The following PTPRK variants were observed in gnomAD, a reference collection of about 807,000 sequenced individuals.
The protein encoded by PTPRK is receptor-type tyrosine-protein phosphatase kappa.
PTPRK carries 75 observed loss-of-function variants against 178.0 expected under a neutral mutation model. The ratio of observed to expected loss-of-function variants is 0.42; its 90% CI spans 0.35 to 0.51. The LOEUF (loss-of-function observed/expected upper bound fraction) is 0.51. Among genes scored for constraint, PTPRK ranks in the 20% least tolerant of loss-of-function variants. The pLI is 0.02. For missense variants in PTPRK, 1,441 were observed against 1,797.8 expected (o/e 0.80, Z 3.59); for synonymous variants, 637 against 620.6 (o/e 1.03, Z -0.39).
At position 128,214,513 on chromosome 6, in the gene PTPRK, A is replaced by G. The variant is rs1024306784; in HGVS notation, c.868+4409T>C. Among the ~76,000 whole-genome samples the G allele has an allele frequency of 8.5e-5, 13 of 152,184 alleles. No homozygotes were observed. The South Asian group carries it at 2.7e-3, about 32-fold the overall frequency. ...TGTGTACAAAAGCTCTCTACTGGAC[A>G]TACTAGCTGTTTATCCAATAACCAG... On this transcript the variant is annotated intron_variant, in intron 6 of 29. Coordinates refer to ENST00000368226, the MANE Select transcript of PTPRK (RefSeq NM_002844.4).
chr6:128,021,239 AC>A (rs1773453094), intron 13 of PTPRK, among the ~76,000 whole-genome samples: 1 of 152,178 alleles, frequency 6.6e-6, no homozygotes, highest in Non-Finnish European at 1.5e-5. Flanking sequence ...TAACAAACAC[AC>A]CCAAAATACT....
chr6:128,179,076 CCCA>C (rs1485585724), intron 7 of PTPRK, among the ~76,000 whole-genome samples: 1 of 151,906 alleles, frequency 6.6e-6, no homozygotes, highest in Non-Finnish European at 1.5e-5. Context: ...TCCACCTGAA[CCCA>C]TCTATTTTCA....
At chr6:128,036,283 G>A (rs1776195490) in intron 13 of PTPRK, among the ~76,000 whole-genome samples, 1 of 152,192 alleles carries the variant, frequency 6.6e-6, no homozygotes, top group Non-Finnish European at 1.5e-5. Flanking sequence ...CATGGGAGCA[G>A]CTACACCCAG....
At chr6:128,186,427 G>A (rs1478829771) in intron 6 of PTPRK, among the ~76,000 whole-genome samples, 1 of 151,986 alleles carries the variant, frequency 6.6e-6, no homozygotes, top group East Asian at 1.9e-4. Flanking sequence ...TAAGATCAAA[G>A]ATGATAACAT....
chr6:128,084,489 G>T (rs1003542722), intron 8 of PTPRK, among the ~76,000 whole-genome samples: 11 of 152,162 alleles, frequency 7.2e-5, no homozygotes, highest in African/African-American at 2.4e-4. Context: ...TCAAAGGTAA[G>T]AATCAAACTA....
At chr6:128,399,128 T>G (rs2128370167) in intron 1 of PTPRK, among the ~76,000 whole-genome samples, 1 of 152,276 alleles carries the variant, frequency 6.6e-6, no homozygotes, top group South Asian at 2.1e-4. Flanking sequence ...GTGCAGAAAC[T>G]CAGTGAATTC....
chr6:127,991,534 G>A, intron 19 of PTPRK, 143 bp from the exon 20 acceptor site: 1 of 435,468 alleles, frequency 2.3e-6, no homozygotes, highest in Non-Finnish European at 3.8e-6. Context: ...CTTAAATTCA[G>A]TTCATATCTA....
chr6:128,187,905 T>A (rs1803045888), intron 6 of PTPRK, among the ~76,000 whole-genome samples: 1 of 152,212 alleles, frequency 6.6e-6, no homozygotes, highest in Admixed American at 6.5e-5. Flanking sequence ...TATATTAGCA[T>A]ATGTATTTTG....
intron 3 of PTPRK, among the ~76,000 whole-genome samples, chr6:128,275,400 T>C (rs757942067): frequency 2.0e-5 from 3 of 152,102 alleles, no homozygotes; most frequent in Non-Finnish European, 2.9e-5. Context: ...TATTTATCTA[T>C]TTATAACCAA....
At chr6:128,055,349 G>T (rs1779714089) in intron 13 of PTPRK, among the ~76,000 whole-genome samples, 2 of 152,072 alleles carry the variant, frequency 1.3e-5, no homozygotes, top group African/African-American at 4.8e-5. Context: ...GTATATAAAT[G>T]AACTGGCCCT....
intron 6 of PTPRK, among the ~76,000 whole-genome samples, chr6:128,209,162 G>A (rs1012049): frequency 0.43 from 65,905 of 151,616 alleles, 18,561 homozygotes; most frequent in African/African-American, 0.81. Flanking sequence ...CTAAAAACGC[G>A]CCATTTTCCA....
chr6:128,131,352 C>T (rs998232655), intron 7 of PTPRK, among the ~76,000 whole-genome samples: 1 of 152,144 alleles, frequency 6.6e-6, no homozygotes, highest in Non-Finnish European at 1.5e-5. Context: ...GAGGGCTACA[C>T]AAACCATGCC....
At chr6:128,076,542 A>G (rs1338262342) in intron 11 of PTPRK, among the ~76,000 whole-genome samples, 4 of 152,040 alleles carry the variant, frequency 2.6e-5, no homozygotes, top group Non-Finnish European at 5.9e-5. Context: ...ACTTCAAAAA[A>G]AATCTGTTGT....
chr6:128,181,146 A>G (rs1337578564), intron 7 of PTPRK, among the ~76,000 whole-genome samples: 2 of 152,224 alleles, frequency 1.3e-5, no homozygotes, highest in Non-Finnish European at 2.9e-5. Flanking sequence ...CTACATTTAC[A>G]TTTGAAAATG....
rs1351339969 is a variant in PTPRK, at chr6:128,500,256, A to T, written c.100+20003T>A. On this transcript the variant is annotated intron_variant, in intron 1 of 29. Transcript: ENST00000368226. The stretch of plus-strand genomic sequence containing the variant: ...AAATCTTTATCAGGCCCTGCTGAAT[A>T]AACAGAATGTTGAAATAGAGAGTAA... Among the ~76,000 whole-genome samples, 4 of 152,212 alleles carry T rather than the reference A, an allele frequency of 2.6e-5. No homozygotes were observed. In the East Asian group the frequency reaches 7.7e-4, roughly 29 times the overall value.
chr6:128,018,005 G>A (rs558691205), intron 13 of PTPRK, among the ~76,000 whole-genome samples: 4 of 150,862 alleles, frequency 2.7e-5, no homozygotes, highest in Admixed American at 2.0e-4. Flanking sequence ...GTTCTTTAGT[G>A]TTCCTAACAC....
chr6:128,201,172 T>C (rs1210393328), intron 6 of PTPRK, among the ~76,000 whole-genome samples: 1 of 152,198 alleles, frequency 6.6e-6, no homozygotes, highest in Non-Finnish European at 1.5e-5. Context: ...ACTCAAAGAA[T>C]CTCATGATAT....
chr6:128,088,505 T>C (rs1173157184), intron 8 of PTPRK, among the ~76,000 whole-genome samples: 1 of 152,116 alleles, frequency 6.6e-6, no homozygotes, highest in Non-Finnish European at 1.5e-5. Context: ...AAGAACTGAC[T>C]CCTAATTTAG....
At chr6:128,034,321 AGAT>A (rs1187033805) in intron 13 of PTPRK, among the ~76,000 whole-genome samples, 1 of 152,214 alleles carries the variant, frequency 6.6e-6, no homozygotes, top group Non-Finnish European at 1.5e-5. Context: ...AAAAGCTATA[AGAT>A]GTATTCAAAT....
Sources: allele counts gnomAD v4.1 joint callset (sites outside exome capture counted in the v4.1 genomes callset), GRCh38; gene constraint gnomAD v4.1.1; transcripts MANE v1.5; gene names NCBI Gene and HGNC (gene_info 2026-07-23, HGNC 2026-07-21).